NFIB: variants seen among roughly 807,000 people sequenced by gnomAD.
The protein encoded by NFIB is nuclear factor I B, also known as nuclear factor 1 B-type.
Under a neutral mutation model 61.5 loss-of-function variants are expected in NFIB, and 11 were observed. The observed-to-expected ratio is 0.18, with a 90% CI of 0.11 to 0.30. The LOEUF (loss-of-function observed/expected upper bound fraction) is 0.30, where lower values mean the gene tolerates loss of function less well. NFIB is among the 10% of genes least tolerant of loss of function. The probability of loss-of-function intolerance (pLI) is 1.00; values close to 1 mark genes in which losing one functional copy is unlikely to be tolerated. For missense variants in NFIB, 471 were observed against 608.9 expected (o/e 0.77, Z 2.38); for synonymous variants, 260 against 216.5 (o/e 1.20, Z -1.76).
upstream of NFIB, among the ~76,000 whole-genome samples, chr9:14,318,505 CTT>C (rs34481505): frequency 5.4e-4 from 36 of 66,846 alleles, no homozygotes; most frequent in African/African-American, 1.3e-3. Flanking sequence ...CACTCGATGC[CTT>C]TTTTTTTTTT....
intron 6 of NFIB, among the ~76,000 whole-genome samples, chr9:14,136,079 T>C (rs1045429806): frequency 6.6e-6 from 1 of 152,146 alleles, no homozygotes; most frequent in Admixed American, 6.5e-5. Flanking sequence ...GCAAACCTCT[T>C]TGAAGCTCAC....
At chr9:14,108,401 A>G (rs1356204472) in intron 10 of NFIB, among the ~76,000 whole-genome samples, 1 of 152,150 alleles carries the variant, frequency 6.6e-6, no homozygotes, top group Non-Finnish European at 1.5e-5. Context: ...CTAATATCTT[A>G]GTTTAAAAAA....
At chr9:14,453,614 T>C in the NFIB span, among the ~76,000 whole-genome samples, 3 of 152,344 alleles carry the variant, frequency 2.0e-5, no homozygotes, top group African/African-American at 7.2e-5. Context: ...AGTTTACTCA[T>C]TTATTTCTTA....
chr9:14,266,514 G>A (rs1310109605), intron 2 of NFIB, among the ~76,000 whole-genome samples: 6 of 151,984 alleles, frequency 3.9e-5, no homozygotes, highest in East Asian at 1.9e-4. Flanking sequence ...AGGATTTCAC[G>A]AGCCAGGGAG....
At chr9:14,487,213 C>T in the NFIB span, among the ~76,000 whole-genome samples, 4 of 152,172 alleles carry the variant, frequency 2.6e-5, no homozygotes, top group Non-Finnish European at 5.9e-5. Flanking sequence ...CTTACCTTTG[C>T]CTTTCTTCCC....
chr9:14,254,006 A>C (rs1253970093), intron 2 of NFIB, among the ~76,000 whole-genome samples: 3 of 152,264 alleles, frequency 2.0e-5, no homozygotes, highest in Admixed American at 6.5e-5. Context: ...GTCAGTTAAA[A>C]ACATAATTTC....
chr9:14,506,826 C>G, the NFIB span, among the ~76,000 whole-genome samples: 2 of 152,094 alleles, frequency 1.3e-5, no homozygotes, highest in East Asian at 1.9e-4. Context: ...TAGGTTTTGG[C>G]ATGGGAGCTG....
intron 1 of NFIB, chr9:14,362,388 C>G (rs2061251294): frequency 6.6e-6 from 1 of 152,164 alleles, no homozygotes; most frequent in Non-Finnish European, 1.5e-5. Flanking sequence ...GGGTGTCTGC[C>G]ACTGTCAACA....
At chr9:14,153,764 C>T (rs2043105551) in intron 4 of NFIB, among the ~76,000 whole-genome samples, 1 of 152,138 alleles carries the variant, frequency 6.6e-6, no homozygotes, top group Non-Finnish European at 1.5e-5. Flanking sequence ...GTGATACACA[C>T]ATAGTGTTGT....
At chr9:14,321,302 G>A (rs1337308600) in intron 1 of NFIB, among the ~76,000 whole-genome samples, 1 of 151,914 alleles carries the variant, frequency 6.6e-6, no homozygotes, top group Non-Finnish European at 1.5e-5. Context: ...AACAGGAGTG[G>A]AAAGAAATCC....
chr9:14,205,775 C>T (rs1324844690), intron 2 of NFIB, among the ~76,000 whole-genome samples: 1 of 152,172 alleles, frequency 6.6e-6, no homozygotes, highest in East Asian at 1.9e-4. Flanking sequence ...CACTGAATGC[C>T]CATTCTAGCT....
chr9:14,172,170 T>C (rs546760811), intron 3 of NFIB, among the ~76,000 whole-genome samples: 1 of 152,310 alleles, frequency 6.6e-6, no homozygotes, highest in East Asian at 1.9e-4. Flanking sequence ...GAAATCAAGA[T>C]GGAATTTCAG....
chr9:14,185,878 C>G (rs2047283909), intron 2 of NFIB, among the ~76,000 whole-genome samples: 1 of 152,146 alleles, frequency 6.6e-6, no homozygotes, highest in South Asian at 2.1e-4. Context: ...ATAAGACATA[C>G]TATTTTGAGT....
At chr9:14,134,962 A>G (rs1174485804) in intron 6 of NFIB, among the ~76,000 whole-genome samples, 1 of 151,818 alleles carries the variant, frequency 6.6e-6, no homozygotes, top group African/African-American at 2.4e-5. Context: ...GATTATAAAG[A>G]CAAAAAAACT....
intron 2 of NFIB, among the ~76,000 whole-genome samples, chr9:14,299,619 A>C (rs2059641300): frequency 6.6e-6 from 1 of 152,204 alleles, no homozygotes; most frequent in Non-Finnish European, 1.5e-5. Flanking sequence ...TTAAAATAGG[A>C]TTCTGAAAAT....
chr9:14,270,089 T>C (rs561445190), intron 2 of NFIB, among the ~76,000 whole-genome samples: 1 of 152,280 alleles, frequency 6.6e-6, no homozygotes, highest in East Asian at 1.9e-4. Flanking sequence ...TACATGACCT[T>C]ACACAGCTGT....
At chr9:14,363,643 A>G (rs1460591070) in intron 1 of NFIB, among the ~76,000 whole-genome samples, 3 of 123,824 alleles carry the variant, frequency 2.4e-5, no homozygotes, top group African/African-American at 3.8e-5. Context: ...ATACATATAT[A>G]TGTATATGTA....
chr9:14,481,603 G>A, the NFIB span, among the ~76,000 whole-genome samples: 31 of 151,786 alleles, frequency 2.0e-4, 1 homozygote, highest in African/African-American at 7.0e-4. Context: ...CTTCTCCTCC[G>A]TCGACTGATT....
rs562947260 is a variant in NFIB, at chr9:14,352,179, A to G, written c.109-44659T>C. Among the ~76,000 whole-genome samples the G allele has an allele frequency of 2.0e-5, 3 of 152,330 alleles. No homozygotes were observed. In the East Asian group the frequency reaches 5.8e-4, roughly 29 times the overall value. On this transcript the variant is annotated intron_variant, in intron 1 of 8. Coordinates refer to the NFIB transcript ENST00000380934. ...AAGGAACACATGCGTAAATCCAGAT[A>G]CTTCAAATAATAGAAAACAGCATAA...
Sources: gnomAD v4.1 joint callset for allele counts (sites outside exome capture counted in the v4.1 genomes callset) on GRCh38, gnomAD v4.1.1 for gene constraint, MANE v1.5 for transcripts, NCBI Gene and HGNC (gene_info 2026-07-23, HGNC 2026-07-21) for gene names.